TEX2: variants seen among roughly 807,000 people sequenced by gnomAD.
TEX2 encodes testis-expressed protein 2.
TEX2 carries 53 observed loss-of-function variants against 106.9 expected under a neutral mutation model. That is an observed-to-expected ratio of 0.50 (90% confidence interval 0.40 to 0.62). TEX2 has a LOEUF of 0.62. TEX2 is among the 20% of genes least tolerant of loss of function. The pLI, the probability that TEX2 is intolerant of heterozygous loss-of-function variation, is 0.00. For synonymous variants in TEX2, 523 were observed against 534.8 expected (o/e 0.98, Z 0.30); for missense variants, 1,207 against 1,379.0 (o/e 0.88, Z 1.98).
chr17:64,215,348 G>A (rs2033153888), intron 1 of TEX2, among the ~76,000 whole-genome samples: 3 of 152,190 alleles, frequency 2.0e-5, no homozygotes, highest in Admixed American at 6.5e-5. Context: ...GACATCCAAC[G>A]GGTCTTTGGA....
chr17:64,220,906 G>A (rs957508241), intron 1 of TEX2, among the ~76,000 whole-genome samples: 7 of 152,096 alleles, frequency 4.6e-5, no homozygotes, highest in Non-Finnish European at 7.4e-5. Flanking sequence ...GCACACATAC[G>A]TTCACTGCAC....
At chr17:64,250,622 A>G (rs903379905) in intron 1 of TEX2, among the ~76,000 whole-genome samples, 2 of 152,164 alleles carry the variant, frequency 1.3e-5, no homozygotes, top group Admixed American at 6.5e-5. Flanking sequence ...GGAAAATAAC[A>G]CTGTTGTCTC....
chr17:64,211,093 T>G (rs1312110760), intron 2 of TEX2, among the ~76,000 whole-genome samples: 2 of 152,136 alleles, frequency 1.3e-5, no homozygotes, highest in East Asian at 3.8e-4. Context: ...CCCAAGTAGC[T>G]GAGATTACAG....
Position 64,185,154 on chromosome 17 carries a change from A to C in TEX2, c.2424+3014T>G, listed in dbSNP as rs1049841133. ...TAGATATGAGATGATGAGCACGACG[A>C]GTAGTAATAAGGACAGGACTCTCCA... is the stretch of plus-strand genomic sequence containing the variant. On this transcript the variant is annotated intron_variant, in intron 5 of 11. Transcript: ENST00000584379. This position sits in a 1 kb window ranked among gnomAD's most constrained non-coding sequence, Gnocchi z 4.0. 6.6e-6 allele frequency among the ~76,000 whole-genome samples: 1 copy of C among 152,214 alleles called. No homozygotes were observed. Among genetic ancestry groups the C allele is most frequent in the African/African-American group, 2.4e-5 (1 of 41,462 alleles).
chr17:64,193,862 G>A lies in TEX2; in HGVS notation c.1873C>T (p.Arg625Ter), dbSNP rs1351916907. 2 of 1,566,110 alleles carry A rather than the reference G, an allele frequency of 1.3e-6. No homozygotes were observed. The highest frequency in any genetic ancestry group is 1.2e-5 in the South Asian group (1 of 84,720). Residue 625 changes from arginine to a stop codon, truncating the protein, a stop_gained, in exon 4 of 12, where the codon CGA becomes TGA. Coordinates refer to ENST00000584379, the MANE Select transcript of TEX2 (RefSeq NM_001288732.2). LOFTEE classifies it high-confidence loss of function. ...KIYLVPKTLA[R>*]KRIWNKKYPI... ...TACTTTTTATTCCAGATTCGCTTTC[G>A]AGCCAAAGTTTTAGGTACAAGATAA...
At chr17:64,170,954 A>G (rs2031364255) in intron 7 of TEX2, 146 bp downstream of exon 7, 2 of 676,728 alleles carry the variant, frequency 3.0e-6, no homozygotes, top group Admixed American at 5.4e-5. Context: ...TTTTAAGGCC[A>G]TGACTGGTAA....
intron 1 of TEX2, among the ~76,000 whole-genome samples, chr17:64,229,162 AG>A (rs1190919846): frequency 6.6e-6 from 1 of 152,190 alleles, no homozygotes; most frequent in Non-Finnish European, 1.5e-5. Context: ...GGGTCAAATG[AG>A]GTACATATTT....
intron 1 of TEX2, among the ~76,000 whole-genome samples, chr17:64,226,213 C>T (rs978337045): frequency 2.0e-5 from 3 of 152,112 alleles, no homozygotes; most frequent in Non-Finnish European, 4.4e-5. Flanking sequence ...GCTCCCCTCC[C>T]GTCCCTATTG....
intron 4 of TEX2, among the ~76,000 whole-genome samples, chr17:64,191,917 T>C (rs183865539): frequency 3.1e-4 from 47 of 152,226 alleles, no homozygotes; most frequent in Non-Finnish European, 2.4e-4. Context: ...ATCTAAAATA[T>C]TATTTCAACA....
intron 7 of TEX2, among the ~76,000 whole-genome samples, chr17:64,165,458 C>G (rs912386811): frequency 1.3e-5 from 2 of 152,234 alleles, no homozygotes; most frequent in Non-Finnish European, 2.9e-5. Context: ...CCTTTCCACA[C>G]TAAGTGTTTT....
chr17:64,156,579 T>C (rs2143630330), intron 8 of TEX2, among the ~76,000 whole-genome samples: 1 of 152,312 alleles, frequency 6.6e-6, no homozygotes, highest in African/African-American at 2.4e-5. Context: ...AAAATGTATA[T>C]AGCAAAATTC....
Position 64,148,856 on chromosome 17 carries a change from C to G in TEX2, c.*113G>C. On this transcript the variant is annotated 3_prime_UTR_variant, in exon 12 of 12. Transcript: ENST00000584379. ...TGGCAGGCAGAGGGCAGAAGCAGTCCTTTAAGAAACAGTAGCTGTGGCACA... is the reference window on the plus strand; with the variant it reads ...TGGCAGGCAGAGGGCAGAAGCAGTCGTTTAAGAAACAGTAGCTGTGGCACA... The G allele has an allele frequency of 7.2e-7, 1 of 1,386,570 alleles. No homozygotes were observed. The highest frequency in any genetic ancestry group is 9.9e-7 in the Non-Finnish European group (1 of 1,011,382). 85.9% of individuals were successfully genotyped at this position (1,386,570 alleles called of 1,614,324 possible).
intron 4 of TEX2, among the ~76,000 whole-genome samples, chr17:64,189,941 T>C (rs1332559799): frequency 6.8e-6 from 1 of 147,922 alleles, no homozygotes; most frequent in African/African-American, 2.5e-5. Flanking sequence ...GCCAAGATCA[T>C]ACCACTGCAC....
chr17:64,235,225 G>C (rs1359746883), intron 1 of TEX2, among the ~76,000 whole-genome samples: 2 of 152,222 alleles, frequency 1.3e-5, no homozygotes, highest in Non-Finnish European at 2.9e-5. Context: ...GAAAAAGAAA[G>C]TGGTTTAGGC....
intron 4 of TEX2, among the ~76,000 whole-genome samples, chr17:64,192,772 A>G (rs1433180322): frequency 6.6e-6 from 1 of 152,188 alleles, no homozygotes; most frequent in Admixed American, 6.5e-5. Context: ...AAGCACTCTG[A>G]AGCAATGTGT....
At position 64,212,804 on chromosome 17, in the gene TEX2, G is replaced by A. The variant is rs1555631778; in HGVS notation, c.1414C>T (p.Pro472Ser). 1 of 1,614,112 alleles carries A rather than the reference G, an allele frequency of 6.2e-7. No homozygotes were observed. Among genetic ancestry groups the A allele is most frequent in the African/African-American group, 1.3e-5 (1 of 75,028 alleles). The change falls in exon 2 of 12, where the codon CCA (proline) becomes TCA (serine). Residue 472 changes from proline to serine, a missense_variant. By Grantham distance (74) the Pro-to-Ser change is moderately conservative. This residue lies in a region of TEX2 where 1,067 missense variants were observed against 1,193.6 expected (regional missense o/e 0.89). Coordinates refer to ENST00000584379, the MANE Select transcript of TEX2 (RefSeq NM_001288732.2). Reference sequence around the variant, plus strand: ...ATAAAGAAGCCCAACGTCTTCACTGGCAATTCCGGGTGCTGCACGGCCGAG... The same window carrying A: ...ATAAAGAAGCCCAACGTCTTCACTGACAATTCCGGGTGCTGCACGGCCGAG... ...VDSAVQHPEL[P>S]VKTLGFFIMC... is the part of the protein sequence containing the mutation.
At chr17:64,159,546 C>T (rs1019709347) in intron 8 of TEX2, among the ~76,000 whole-genome samples, 1 of 152,150 alleles carries the variant, frequency 6.6e-6, no homozygotes, top group African/African-American at 2.4e-5. Context: ...TGTCGGTTCT[C>T]TCAGGCTTTT....
intron 1 of TEX2, among the ~76,000 whole-genome samples, chr17:64,218,959 T>C (rs908011949): frequency 6.6e-6 from 1 of 152,006 alleles, no homozygotes; most frequent in African/African-American, 2.4e-5. Flanking sequence ...CAGAAATACC[T>C]CCAGGGACCT....
At chr17:64,155,109 C>A in intron 8 of TEX2, 142 bp from the exon 9 acceptor site, 43 of 1,050,228 alleles carry the variant, frequency 4.1e-5, no homozygotes, top group Non-Finnish European at 5.5e-5. Flanking sequence ...TTCTCTCCAA[C>A]CCACCCAAAC....
Sources: allele counts gnomAD v4.1 joint callset (sites outside exome capture counted in the v4.1 genomes callset), GRCh38; gene constraint gnomAD v4.1.1; regional missense constraint gnomAD v4.1.1; non-coding constraint Gnocchi (gnomAD v3.1); transcripts MANE v1.5; gene names NCBI Gene and HGNC (gene_info 2026-07-23, HGNC 2026-07-21).